The following FSTL5 variants were observed in gnomAD, a reference collection of about 807,000 sequenced individuals.
The protein encoded by FSTL5 is follistatin-related protein 5.
Under a neutral mutation model 89.1 loss-of-function variants are expected in FSTL5, and 62 were observed. The observed-to-expected ratio is 0.70, with a 90% CI of 0.57 to 0.86. FSTL5 has a LOEUF of 0.86. Ranked by LOEUF, FSTL5 falls within the 40% of genes least tolerant of loss-of-function variation. The probability of loss-of-function intolerance (pLI) is 0.00; values close to 1 mark genes in which losing one functional copy is unlikely to be tolerated. For missense variants in FSTL5, 1,057 were observed against 1,001.6 expected (o/e 1.06, Z -0.75); for synonymous variants, 383 against 346.2 (o/e 1.11, Z -1.18).
chr4:162,035,090 A>G (rs1737679536), intron 2 of FSTL5: 1 of 152,120 alleles, frequency 6.6e-6, no homozygotes, highest in Non-Finnish European at 1.5e-5. Context: ...ACATTTGTTA[A>G]TGAGAATCTC....
At chr4:161,548,743 C>T (rs1732092279) in intron 8 of FSTL5, among the ~76,000 whole-genome samples, 2 of 151,494 alleles carry the variant, frequency 1.3e-5, no homozygotes, top group Admixed American at 6.6e-5. Flanking sequence ...ATTATAATTG[C>T]CATTATAATG....
At chr4:161,657,952 G>C (rs1369431855) in intron 6 of FSTL5, among the ~76,000 whole-genome samples, 1 of 152,132 alleles carries the variant, frequency 6.6e-6, no homozygotes, top group Non-Finnish European at 1.5e-5. Flanking sequence ...ATTGTTTTGT[G>C]TTGTCCAAAG....
intron 8 of FSTL5, among the ~76,000 whole-genome samples, chr4:161,569,732 A>C (rs1181029550): frequency 6.7e-6 from 1 of 150,034 alleles, no homozygotes; most frequent in Admixed American, 6.7e-5. Flanking sequence ...TGAAAAGGAA[A>C]ATGAGATCTT....
At chr4:161,617,672 C>A (rs1734947910) in intron 7 of FSTL5, among the ~76,000 whole-genome samples, 1 of 152,076 alleles carries the variant, frequency 6.6e-6, no homozygotes, top group Non-Finnish European at 1.5e-5. Context: ...ATGAGATTGA[C>A]CACCACATTC....
At chr4:161,451,386 C>T (rs1733157912) in intron 15 of FSTL5, among the ~76,000 whole-genome samples, 1 of 152,002 alleles carries the variant, frequency 6.6e-6, no homozygotes, top group Admixed American at 6.6e-5. Flanking sequence ...ACTAAAGAAG[C>T]CTGAAAATTA....
chr4:161,960,114 T>C (rs142854060), intron 3 of FSTL5, among the ~76,000 whole-genome samples: 3 of 151,896 alleles, frequency 2.0e-5, no homozygotes, highest in Non-Finnish European at 4.4e-5. Flanking sequence ...TATTTATTCC[T>C]ATGCTGAAAA....
chr4:161,609,390 C>T (rs1486658054), intron 7 of FSTL5, among the ~76,000 whole-genome samples: 1 of 152,098 alleles, frequency 6.6e-6, no homozygotes, highest in East Asian at 1.9e-4. Flanking sequence ...TTGGATAACA[C>T]CTCCATAGAT....
At chr4:161,515,759 T>G (rs1218551053) in intron 10 of FSTL5, among the ~76,000 whole-genome samples, 1 of 151,784 alleles carries the variant, frequency 6.6e-6, no homozygotes. Context: ...GCATAAGTAA[T>G]AGAAGCTCAA....
chr4:161,959,638 G>A (rs564834868), intron 3 of FSTL5, among the ~76,000 whole-genome samples: 11 of 152,162 alleles, frequency 7.2e-5, no homozygotes, highest in East Asian at 1.9e-4. Context: ...GAAAAGTAAC[G>A]TATGTGTGAG....
intron 2 of FSTL5, among the ~76,000 whole-genome samples, chr4:162,109,786 C>T (rs960355138): frequency 6.6e-6 from 1 of 151,884 alleles, no homozygotes; most frequent in Non-Finnish European, 1.5e-5. Context: ...GTTCACAGCA[C>T]CAGAAATAAA....
intron 9 of FSTL5, among the ~76,000 whole-genome samples, chr4:161,540,659 T>C (rs1168424195): frequency 6.6e-6 from 1 of 152,104 alleles, no homozygotes; most frequent in Non-Finnish European, 1.5e-5. Flanking sequence ...AATATCTCCA[T>C]CAGTTCTAAG....
At chr4:161,856,879 G>C (rs568204589) in intron 4 of FSTL5, among the ~76,000 whole-genome samples, 6 of 152,226 alleles carry the variant, frequency 3.9e-5, no homozygotes, top group South Asian at 4.1e-4. Context: ...AAGAGGGTTA[G>C]GCAGAGTACT....
At chr4:161,790,927 C>G (rs1729448680) in intron 4 of FSTL5, among the ~76,000 whole-genome samples, 1 of 152,154 alleles carries the variant, frequency 6.6e-6, no homozygotes, top group Non-Finnish European at 1.5e-5. Context: ...AAAAAACTGA[C>G]AGTATTTGGG....
chr4:162,030,539 CAGG>C (rs1253034861), intron 3 of FSTL5, among the ~76,000 whole-genome samples: 3 of 151,794 alleles, frequency 2.0e-5, no homozygotes, highest in East Asian at 3.9e-4. Context: ...CTTGAAAAAA[CAGG>C]AGGAGAAAAT....
At chr4:161,898,827 C>T (rs1282943611) in intron 4 of FSTL5, among the ~76,000 whole-genome samples, 1 of 151,888 alleles carries the variant, frequency 6.6e-6, no homozygotes, top group Non-Finnish European at 1.5e-5. Flanking sequence ...GACGGGGTTT[C>T]ACCGTGTTAG....
intron 10 of FSTL5, among the ~76,000 whole-genome samples, chr4:161,528,065 T>C (rs1731287925): frequency 6.7e-6 from 1 of 148,202 alleles, no homozygotes; most frequent in African/African-American, 2.5e-5. Flanking sequence ...AAACACGGCA[T>C]ATTCTCACTC....
chr4:161,765,098 C>A (rs1740947127), intron 5 of FSTL5, among the ~76,000 whole-genome samples: 2 of 152,160 alleles, frequency 1.3e-5, no homozygotes, highest in South Asian at 4.1e-4. Flanking sequence ...TAAGATCCAC[C>A]CACTGGCATT....
chr4:162,116,599 A>T (rs1579040994), intron 1 of FSTL5, among the ~76,000 whole-genome samples: 1 of 152,228 alleles, frequency 6.6e-6, no homozygotes, highest in Non-Finnish European at 1.5e-5. Flanking sequence ...AGGCTACATC[A>T]GGAATAAGGG....
At chr4:161,747,400 C>A (rs1320140365) in intron 6 of FSTL5, among the ~76,000 whole-genome samples, 1 of 152,114 alleles carries the variant, frequency 6.6e-6, no homozygotes, top group Non-Finnish European at 1.5e-5. Context: ...TTGGAGTAGA[C>A]AAGTACAATA....
Sources: allele counts gnomAD v4.1 joint callset (sites outside exome capture counted in the v4.1 genomes callset), GRCh38; gene constraint gnomAD v4.1.1; transcripts MANE v1.5; gene names NCBI Gene and HGNC (gene_info 2026-07-23, HGNC 2026-07-21).